ZFHX3: variants seen among roughly 807,000 people sequenced by gnomAD.
The protein encoded by ZFHX3 is zinc finger homeobox protein 3.
A neutral mutation model predicts 279.1 loss-of-function variants in ZFHX3; 42 were observed. That is an observed-to-expected ratio of 0.15 (90% CI 0.12 to 0.19). The LOEUF is 0.19. Among genes scored for constraint, ZFHX3 ranks in the 10% least tolerant of loss-of-function variants. The pLI, the probability that ZFHX3 is intolerant of heterozygous loss-of-function variation, is 1.00. For missense variants in ZFHX3, 4,981 were observed against 4,754.0 expected, an observed-to-expected ratio of 1.05 and a Z score of -1.40; for synonymous variants, 2,293 against 1,957.8, an observed-to-expected ratio of 1.17 and a Z score of -4.52.
chr16:73,159,505 G>T (rs538496079), intron 5 of ZFHX3, among the ~76,000 whole-genome samples: 2 of 152,192 alleles, frequency 1.3e-5, no homozygotes, highest in East Asian at 3.9e-4. Context: ...GAAGCTTGGG[G>T]TTGCCTGCTG....
chr16:73,495,186 C>G lies in ZFHX3; in HGVS notation c.-1546-38928G>C, dbSNP rs185738746. On this transcript the variant is annotated intron_variant, in intron 2 of 17. Coordinates refer to the ZFHX3 transcript ENST00000641206. The stretch of plus-strand genomic sequence containing the variant: ...GCATGTTAAAATATTACCTTTTATT[C>G]CCTGATCTAATGCATAACCTGATGT... 4.1e-3 allele frequency among the ~76,000 whole-genome samples: 625 copies of G among 152,260 alleles called. 6 individuals carry two copies. The highest frequency in any genetic ancestry group is 3.0e-3 in the Non-Finnish European group (207 of 68,024).
Position 72,796,144 on chromosome 16 carries a change from C to T in ZFHX3, c.6538G>A (p.Asp2180Asn), listed in dbSNP as rs767411722. The T allele has an allele frequency of 2.5e-6, 4 of 1,614,194 alleles. No individual in the cohort carries two copies. In the Admixed American group the frequency reaches 6.7e-5, roughly 27 times the overall value. ...PSEEQIKEMADKSGLPQKVIK... is the reference protein window; with the variant it reads ...PSEEQIKEMANKSGLPQKVIK... ...ACTTTCTGGGGCAACCCGGACTTGT[C>T]TGCCATCTCTTTTATTTGCTCTTCA... The change falls in exon 9 of 10, where the codon GAC (aspartate) becomes AAC (asparagine). Residue 2180 changes from aspartate (D) to asparagine (N), a missense_variant. Coordinates refer to ENST00000268489, the MANE Select transcript of ZFHX3 (RefSeq NM_006885.4).
intron 1 of ZFHX3, among the ~76,000 whole-genome samples, chr16:73,730,862 A>G (rs2729608): frequency 0.86 from 130,804 of 152,128 alleles, 56,700 homozygotes; most frequent in Non-Finnish European, 0.91. Flanking sequence ...CCAGCTCTAC[A>G]CAGCCTCACA....
chr16:73,765,527 TTGGG>T (rs2053923397), intron 1 of ZFHX3, among the ~76,000 whole-genome samples: 1 of 152,218 alleles, frequency 6.6e-6, no homozygotes, highest in Admixed American at 6.5e-5. Context: ...TTCATGGCTC[TTGGG>T]CCCAATGCCT....
intron 3 of ZFHX3, among the ~76,000 whole-genome samples, chr16:73,353,929 A>G (rs1226235413): frequency 6.6e-6 from 1 of 152,228 alleles, no homozygotes; most frequent in Non-Finnish European, 1.5e-5. Context: ...GCTGCATTGT[A>G]TGAAGCACTT....
rs375260796 is a variant in ZFHX3, at chr16:73,643,668, T to C, written c.-1547+36512A>G. ...CTTCCGAGCAATTCCAGTGTTTCCA[T>C]TGACATCAAGTCCAGGCTAAAGTTG... On this transcript the variant is annotated intron_variant, in intron 2 of 17. Coordinates refer to the ZFHX3 transcript ENST00000641206. 7.9e-5 allele frequency among the ~76,000 whole-genome samples: 12 copies of C among 152,214 alleles called. No individual in the cohort carries two copies. In the South Asian group the frequency reaches 1.2e-3, roughly 16 times the overall value.
rs144573608 is a variant in ZFHX3 at position 72,959,756 on chromosome 16, G to C, written c.390C>G (p.Ala130=). The change falls in exon 2 of 10, where the codon GCC becomes GCG. Residue 130 remains alanine (A), a synonymous_variant. Transcript: ENST00000268489. The part of the protein sequence containing the change: ...GDEESDVENL[A]GEIVYQPDGS... ...CGTCCGGCTGGTAGACGATCTCCCC[G>C]GCCAGGTTCTCCACGTCACTCTCCT... 2.5e-6 allele frequency: 4 copies of C among 1,609,854 alleles called. No individual in the cohort carries two copies. In the South Asian group the frequency reaches 4.4e-5, roughly 18 times the overall value.
intron 4 of ZFHX3, among the ~76,000 whole-genome samples, chr16:72,880,289 G>A (rs2038427808): frequency 1.3e-5 from 2 of 152,224 alleles, no homozygotes; most frequent in African/African-American, 2.4e-5. Flanking sequence ...CTGAACTGTG[G>A]TCCTCCCAGT....
At chr16:72,863,897 A>T (rs1337144968) in intron 4 of ZFHX3, among the ~76,000 whole-genome samples, 2 of 152,160 alleles carry the variant, frequency 1.3e-5, no homozygotes, top group Non-Finnish European at 2.9e-5. Context: ...TGGGTGGATC[A>T]TGAGGTCACG....
intron 5 of ZFHX3, among the ~76,000 whole-genome samples, chr16:73,239,023 C>T (rs975494687): frequency 6.6e-6 from 1 of 152,188 alleles, no homozygotes; most frequent in Non-Finnish European, 1.5e-5. Flanking sequence ...ACCAAGTTTT[C>T]CCATTTGACC....
intron 4 of ZFHX3, among the ~76,000 whole-genome samples, chr16:72,863,485 T>G (rs2037936733): frequency 6.6e-6 from 1 of 151,254 alleles, no homozygotes; most frequent in Non-Finnish European, 1.5e-5. Context: ...GCTACTGCAC[T>G]CCAACTTGGG....
At chr16:73,720,310 C>A (rs1401100171) in intron 1 of ZFHX3, among the ~76,000 whole-genome samples, 1 of 152,156 alleles carries the variant, frequency 6.6e-6, no homozygotes, top group African/African-American at 2.4e-5. Flanking sequence ...CAATATACTT[C>A]AGTGTTAGGG....
intron 5 of ZFHX3, among the ~76,000 whole-genome samples, chr16:72,824,223 T>C (rs112178220): frequency 6.6e-6 from 1 of 152,188 alleles, no homozygotes; most frequent in African/African-American, 2.4e-5. Context: ...TCAAATCCGA[T>C]TGGAATCATG....
chr16:72,943,440 T>G (rs1030339552), intron 3 of ZFHX3, among the ~76,000 whole-genome samples: 2 of 151,884 alleles, frequency 1.3e-5, no homozygotes, highest in Non-Finnish European at 2.9e-5. Flanking sequence ...GGGTGAGGCA[T>G]GAGAATCACT....
At position 72,795,852 on chromosome 16, in the gene ZFHX3, T is replaced by C. The variant is rs776917649; in HGVS notation, c.6830A>G (p.Asn2277Ser). The C allele has an allele frequency of 7.1e-5, 114 of 1,614,072 alleles. No individual in the cohort carries two copies. The highest frequency in any genetic ancestry group is 8.8e-5 in the Non-Finnish European group (104 of 1,180,034). Residue 2277 changes from asparagine to serine, a missense_variant, in exon 9 of 10, where the codon AAT (asparagine) becomes AGT (serine). Asn to Ser is a conservative substitution (Grantham distance 46, BLOSUM62 1). Coordinates refer to ENST00000268489, the MANE Select transcript of ZFHX3 (RefSeq NM_006885.4). Reference protein sequence around the residue: ...PKDDEFEQLSNLLNLPTRVIV... With the variant: ...PKDDEFEQLSSLLNLPTRVIV... ...CACTCGGGTTGGAAGGTTCAGTAAA[T>C]TAGAGAGTTGCTCAAATTCATCATC...
At chr16:72,847,891 G>A (rs2037518541) in intron 4 of ZFHX3, among the ~76,000 whole-genome samples, 1 of 152,082 alleles carries the variant, frequency 6.6e-6, no homozygotes. Context: ...AAGCCCGAGG[G>A]GGAGGAGGCT....
chr16:73,676,368 G>A (rs2052954151), intron 2 of ZFHX3, among the ~76,000 whole-genome samples: 1 of 151,074 alleles, frequency 6.6e-6, no homozygotes, highest in Non-Finnish European at 1.5e-5. Flanking sequence ...GAGATGAGAA[G>A]TATGCTAAAC....
chr16:72,950,527 T>C lies in ZFHX3; in HGVS notation c.3158A>G (p.Glu1053Gly). ...NACDYYTNSL[E>G]KLRLHTVNSR... ...GTTGACCGTGTGCAGCCGCAGCTTC[T>C]CCAGGCTGTTGGTGTAGTAGTCACA... The change falls in exon 3 of 10, where the codon GAG becomes GGG. Residue 1053 changes from glutamate to glycine, a missense_variant. Physicochemically the swap from Glu to Gly is moderately conservative, Grantham distance 98. This residue lies in a region of ZFHX3 where 1,751 missense variants were observed against 1,770.0 expected (regional missense o/e 0.99). Transcript: ENST00000268489. 2 of 1,614,250 alleles carry C rather than the reference T, an allele frequency of 1.2e-6. No homozygotes were observed. Among genetic ancestry groups the C allele is most frequent in the Non-Finnish European group, 1.7e-6 (2 of 1,180,046 alleles).
intron 4 of ZFHX3, among the ~76,000 whole-genome samples, chr16:72,872,225 A>G (rs1324920547): frequency 1.3e-5 from 2 of 152,212 alleles, no homozygotes; most frequent in Non-Finnish European, 2.9e-5. Context: ...CATATTTCAG[A>G]TGATATGCAA....
Sources: gnomAD v4.1 joint callset for allele counts (sites outside exome capture counted in the v4.1 genomes callset) on GRCh38, gnomAD v4.1.1 for gene constraint, gnomAD v4.1.1 regional missense constraint, MANE v1.5 for transcripts, NCBI Gene and HGNC (gene_info 2026-07-23, HGNC 2026-07-21) for gene names.